Variants in ADAMTS17 observed in about 807,000 individuals in gnomAD.
The protein encoded by ADAMTS17 is ADAM metallopeptidase with thrombospondin type 1 motif 17.
In ADAMTS17, 113 loss-of-function variants were observed where a neutral mutation model predicts 141.5. That is an observed-to-expected ratio of 0.80 (90% confidence interval 0.69 to 0.93). The LOEUF is 0.93. Ranked by LOEUF, ADAMTS17 falls within the 40% of genes least tolerant of loss-of-function variation. The pLI is 0.00. For missense variants in ADAMTS17, 1,659 were observed against 1,517.9 expected, an observed-to-expected ratio of 1.09 and a Z score of -1.54; for synonymous variants, 768 against 630.6, an observed-to-expected ratio of 1.22 and a Z score of -3.27.
At chr15:100,281,895 A>G (rs1229187478) in intron 3 of ADAMTS17, among the ~76,000 whole-genome samples, 18 of 152,210 alleles carry the variant, frequency 1.2e-4, no homozygotes, top group Admixed American at 1.2e-3. Context: ...AAATGTTGGT[A>G]GACATAAAAA....
chr15:100,099,859 G>A (rs1403135679), intron 14 of ADAMTS17, among the ~76,000 whole-genome samples: 2 of 152,198 alleles, frequency 1.3e-5, no homozygotes, highest in African/African-American at 2.4e-5. Context: ...GCTCAGATCC[G>A]TGTGCTGAGG....
chr15:100,240,488 G>C (rs748317577), intron 7 of ADAMTS17, among the ~76,000 whole-genome samples: 11 of 152,270 alleles, frequency 7.2e-5, no homozygotes, highest in Non-Finnish European at 1.3e-4. Flanking sequence ...AGCAAGACAT[G>C]AATTTGTAAA....
intron 4 of ADAMTS17, among the ~76,000 whole-genome samples, chr15:100,274,960 C>G (rs1283675078): frequency 6.6e-6 from 1 of 152,144 alleles, no homozygotes; most frequent in African/African-American, 2.4e-5. Context: ...ACCAGCTTAA[C>G]TTCAGTGGCA....
intron 8 of ADAMTS17, among the ~76,000 whole-genome samples, chr15:100,164,688 A>G (rs74037521): frequency 0.091 from 13,804 of 152,224 alleles, 1,642 homozygotes; most frequent in African/African-American, 0.26. Flanking sequence ...AGGCAGGTGG[A>G]CTGGCGGGGA....
intron 15 of ADAMTS17, among the ~76,000 whole-genome samples, chr15:100,055,853 T>C (rs1276086156): frequency 6.6e-6 from 1 of 152,242 alleles, no homozygotes; most frequent in Non-Finnish European, 1.5e-5. Flanking sequence ...TCTGAATTAT[T>C]GTCATCACTT....
intron 7 of ADAMTS17, among the ~76,000 whole-genome samples, chr15:100,242,014 T>C (rs1312625921): frequency 6.6e-6 from 1 of 152,196 alleles, no homozygotes; most frequent in Non-Finnish European, 1.5e-5. Flanking sequence ...AAATTGAGGT[T>C]AAAAACTCAG....
chr15:100,187,015 C>A (rs568771664), intron 8 of ADAMTS17, among the ~76,000 whole-genome samples: 1 of 152,178 alleles, frequency 6.6e-6, no homozygotes, highest in African/African-American at 2.4e-5. Flanking sequence ...GTCTGCCACT[C>A]CCATTTGCAA....
rs780995084 is a variant in ADAMTS17, at chr15:100,261,624, T to A, written c.886A>T (p.Ile296Phe). The stretch of plus-strand genomic sequence containing the variant: ...AGGGACCGCTCACCATGGTGCCCAA[T>A]GGACAACTTAGCCTAAAAAAAGTCA... ...LLRQRPAKLSIGHHGERSLES... is the reference protein window; with the variant it reads ...LLRQRPAKLSFGHHGERSLES... Residue 296 changes from isoleucine to phenylalanine, a missense_variant, in exon 6 of 22, where the codon ATT becomes TTT. Physicochemically the swap from Ile to Phe is conservative, Grantham distance 21. Transcript: ENST00000268070. The A allele has an allele frequency of 6.2e-7, 1 of 1,613,762 alleles. No homozygotes were observed. The highest frequency in any genetic ancestry group is 2.2e-5 in the East Asian group (1 of 44,870).
chr15:100,326,178 AC>A (rs2045895585), intron 3 of ADAMTS17, among the ~76,000 whole-genome samples: 1 of 152,200 alleles, frequency 6.6e-6, no homozygotes, highest in Non-Finnish European at 1.5e-5. Context: ...ATTGATGTCT[AC>A]TTATAGAGTT....
At chr15:100,194,374 C>T (rs1429883558) in intron 8 of ADAMTS17, among the ~76,000 whole-genome samples, 1 of 152,206 alleles carries the variant, frequency 6.6e-6, no homozygotes, top group African/African-American at 2.4e-5. Context: ...AGACACACTT[C>T]CCTCGAAACA....
intron 18 of ADAMTS17, among the ~76,000 whole-genome samples, chr15:100,011,390 G>GGGAGGGAAGGAA (rs1382594140): frequency 3.8e-5 from 4 of 104,654 alleles, no homozygotes; most frequent in African/African-American, 1.1e-4. Flanking sequence ...AAGGACAGAA[G>GGGAGGGAAGGAA]GGAGGGAAGG....
At chr15:100,323,439 A>G (rs2045796647) in intron 3 of ADAMTS17, among the ~76,000 whole-genome samples, 1 of 152,208 alleles carries the variant, frequency 6.6e-6, no homozygotes, top group African/African-American at 2.4e-5. Flanking sequence ...ACTATTTAGA[A>G]GTGGGTACTA....
chr15:100,175,259 C>T (rs577347781), intron 8 of ADAMTS17, among the ~76,000 whole-genome samples: 17 of 152,252 alleles, frequency 1.1e-4, no homozygotes, highest in African/African-American at 4.1e-4. Context: ...GAAATTAGTG[C>T]CAAATTTGGC....
At chr15:100,308,644 T>A (rs1045467830) in intron 3 of ADAMTS17, among the ~76,000 whole-genome samples, 2 of 152,034 alleles carry the variant, frequency 1.3e-5, no homozygotes, top group Non-Finnish European at 2.9e-5. Context: ...GTTGGATTCA[T>A]GAAAAAAGAA....
intron 13 of ADAMTS17, among the ~76,000 whole-genome samples, chr15:100,115,029 G>C (rs926651934): frequency 6.6e-6 from 1 of 152,232 alleles, no homozygotes; most frequent in African/African-American, 2.4e-5. Flanking sequence ...AATTTGAAGA[G>C]CGTGAGTCTG....
intron 4 of ADAMTS17, among the ~76,000 whole-genome samples, chr15:100,268,145 C>T (rs892304128): frequency 1.3e-5 from 2 of 151,988 alleles, no homozygotes; most frequent in Non-Finnish European, 2.9e-5. Flanking sequence ...TTTTTTACAG[C>T]TGTGTAGTAT....
intron 4 of ADAMTS17, among the ~76,000 whole-genome samples, chr15:100,272,322 C>T (rs993981350): frequency 2.0e-5 from 3 of 152,094 alleles, no homozygotes; most frequent in Non-Finnish European, 4.4e-5. Context: ...ATAAGTCTTC[C>T]ACTCCATGAA....
At chr15:100,294,308 T>C (rs755034613) in intron 3 of ADAMTS17, among the ~76,000 whole-genome samples, 9 of 152,182 alleles carry the variant, frequency 5.9e-5, no homozygotes, top group Non-Finnish European at 1.2e-4. Flanking sequence ...ATTCTCCAGC[T>C]GCCAAGAGCT....
rs1204048886 is a variant in ADAMTS17, at chr15:100,262,387, G to C, written c.838C>G (p.Gln280Glu). The C allele has an allele frequency of 1.9e-6, 3 of 1,613,800 alleles. No homozygotes were observed. In the Admixed American group the frequency reaches 5.0e-5, roughly 27 times the overall value. The change falls in exon 5 of 22, where the codon CAA becomes GAA. Residue 280 changes from glutamine (Q) to glutamate (E), a missense_variant. Coordinates refer to ENST00000268070, the MANE Select transcript of ADAMTS17 (RefSeq NM_139057.4). Reference protein sequence around the residue: ...HQSLGIKINIQVTKLVLLRQR... With the variant: ...HQSLGIKINIEVTKLVLLRQR... ...CGTAGCAGGACAAGCTTGGTCACTT[G>C]AATGTTAATTTTAATCCCCAGGCTC...
Sources: gnomAD v4.1 joint callset for allele counts (sites outside exome capture counted in the v4.1 genomes callset) on GRCh38, gnomAD v4.1.1 for gene constraint, MANE v1.5 for transcripts, NCBI Gene and HGNC (gene_info 2026-07-23, HGNC 2026-07-21) for gene names.